ZNF875: variants seen among roughly 807,000 people sequenced by gnomAD.
ZNF875 encodes the protein HKR1, GLI-Kruppel zinc finger family member.
ZNF875 carries 14 observed loss-of-function variants against 11.2 expected under a neutral mutation model. The ratio of observed to expected loss-of-function variants is 1.26; its 90% CI spans 0.83 to 1.96. The LOEUF is 1.96. ZNF875 is among the 30% of genes most tolerant of loss of function. The probability of loss-of-function intolerance (pLI) is 0.00; values close to 1 mark genes in which losing one functional copy is unlikely to be tolerated. For missense variants in ZNF875, 752 were observed against 760.4 expected, an observed-to-expected ratio of 0.99 and a Z score of 0.13; for synonymous variants, 301 against 281.1, an observed-to-expected ratio of 1.07 and a Z score of -0.71.
chr19:37,342,612 A>G (rs1209423652), intron 2 of ZNF875, among the ~76,000 whole-genome samples: 2 of 151,964 alleles, frequency 1.3e-5, no homozygotes, highest in Non-Finnish European at 2.9e-5. Flanking sequence ...GGGTTTCTCC[A>G]TGTTGGTCAG....
chr19:37,358,940 G>A (rs1483417946), intron 4 of ZNF875, among the ~76,000 whole-genome samples: 1 of 151,622 alleles, frequency 6.6e-6, no homozygotes, highest in Non-Finnish European at 1.5e-5. Flanking sequence ...CACTGTTGTA[G>A]CCCATGCTGG....
In ZNF875 at chr19:37,339,678, C is replaced by T. The variant is rs561770073; in HGVS notation, c.33+4421C>T. ...CTCCCAGGTTCGAGCAATTCTCTTG[C>T]CTCAGCCTCTTGAGTAGCTGGGATT... On this transcript the variant is annotated intron_variant, in intron 2 of 4. Coordinates refer to ENST00000392153, the MANE Select transcript of ZNF875 (RefSeq NM_001353803.2). Among the ~76,000 whole-genome samples the T allele has an allele frequency of 1.8e-4, 27 of 150,916 alleles. No individual in the cohort carries two copies. In the South Asian group the frequency reaches 4.2e-3, roughly 23 times the overall value.
intron 4 of ZNF875, among the ~76,000 whole-genome samples, chr19:37,354,092 C>T (rs78814389): frequency 6.6e-6 from 1 of 151,546 alleles, no homozygotes; most frequent in Non-Finnish European, 1.5e-5. Flanking sequence ...TCTTTTTTCT[C>T]TTTTTTGAGG....
upstream of ZNF875, chr19:37,334,504 C>T: frequency 2.9e-6 from 1 of 339,144 alleles, no homozygotes; most frequent in Non-Finnish European, 5.9e-6. Flanking sequence ...TGGTTGTGTG[C>T]GCTGTGCAGA....
chr19:37,360,299 G>A (rs2039687228), intron 4 of ZNF875, among the ~76,000 whole-genome samples: 1 of 152,172 alleles, frequency 6.6e-6, no homozygotes, highest in African/African-American at 2.4e-5. Flanking sequence ...TCCTATGACA[G>A]TAGCACACTA....
intron 4 of ZNF875, among the ~76,000 whole-genome samples, chr19:37,356,365 A>G (rs1050568304): frequency 3.3e-5 from 5 of 152,182 alleles, no homozygotes; most frequent in African/African-American, 1.2e-4. Context: ...GGTTGAACTA[A>G]TTTACATGAC....
At chr19:37,345,642 T>C (rs995545661) in intron 2 of ZNF875, among the ~76,000 whole-genome samples, 1 of 152,184 alleles carries the variant, frequency 6.6e-6, no homozygotes, top group Non-Finnish European at 1.5e-5. Context: ...CCTACAGCAG[T>C]GCAAAGCCCA....
chr19:37,359,477 C>A (rs1172171247), intron 4 of ZNF875: 7 of 291,902 alleles, frequency 2.4e-5, no homozygotes, highest in Non-Finnish European at 3.5e-5. Flanking sequence ...TATATCGGCT[C>A]ACTGCAACCT....
intron 3 of ZNF875, chr19:37,347,530 C>G: frequency 1.6e-6 from 1 of 614,626 alleles, no homozygotes; most frequent in Non-Finnish European, 2.8e-6. Flanking sequence ...AGGCCTGTTT[C>G]CCAAGGCTTG....
At chr19:37,357,187 A>G (rs1364119851) in intron 4 of ZNF875, among the ~76,000 whole-genome samples, 1 of 152,058 alleles carries the variant, frequency 6.6e-6, no homozygotes, top group Admixed American at 6.6e-5. Context: ...CTATATGTCT[A>G]TTTTTGTACT....
At position 37,363,458 on chromosome 19, in the gene ZNF875, T is replaced by C. The variant is rs1271338881; in HGVS notation, c.1606T>C (p.Cys536Arg). 6.2e-7 allele frequency: 1 copy of C among 1,613,862 alleles called. No individual in the cohort carries two copies. The highest frequency in any genetic ancestry group is 1.3e-5 in the African/African-American group (1 of 74,874). Residue 536 changes from cysteine (C) to arginine (R), a missense_variant, in exon 5 of 5, where the codon TGC (cysteine) becomes CGC (arginine). Transcript: ENST00000392153. Reference sequence around the variant, plus strand: ...ACATTCAGGGGAAAAGCCTTTTATGTGCAGGGAGTGTGGCAGAAGGTTTCG... The same window carrying C: ...ACATTCAGGGGAAAAGCCTTTTATGCGCAGGGAGTGTGGCAGAAGGTTTCG... ...RTHSGEKPFM[C>R]RECGRRFRQK... is the part of the protein sequence containing the mutation.
intron 2 of ZNF875, among the ~76,000 whole-genome samples, chr19:37,339,911 C>A (rs1462090342): frequency 6.6e-6 from 1 of 152,006 alleles, no homozygotes. Context: ...TTACTTCTTT[C>A]TTTTCTGAGA....
chr19:37,313,215 AAACAAC>A (rs34323048), upstream of ZNF875: 709 of 149,422 alleles, frequency 4.7e-3, 2 homozygotes, highest in South Asian at 0.018. Context: ...GCCCCCCGCG[AAACAAC>A]AACAACAACA....
At chr19:37,343,001 T>C (rs555195338) in intron 2 of ZNF875, among the ~76,000 whole-genome samples, 1 of 152,168 alleles carries the variant, frequency 6.6e-6, no homozygotes, top group Non-Finnish European at 1.5e-5. Flanking sequence ...TATTTTGTTA[T>C]GGCAGCACTT....
chr19:37,354,967 T>C (rs1003385391), intron 4 of ZNF875, among the ~76,000 whole-genome samples: 1 of 152,294 alleles, frequency 6.6e-6, no homozygotes, highest in East Asian at 1.9e-4. Context: ...TCTCAGGTAT[T>C]CTGTTATAGC....
At position 37,347,317 on chromosome 19, in the gene ZNF875, G is replaced by T; in HGVS notation, c.160+1G>T. ...ACTTATAACCATCTGGTCTCACTGG[G>T]TAAGAATGGCCTCCCTTGGCACTTA... On this transcript the variant is annotated splice_donor_variant, in intron 3 of 4. Coordinates refer to ENST00000392153, the MANE Select transcript of ZNF875 (RefSeq NM_001353803.2). LOFTEE classifies it high-confidence loss of function. 1.9e-6 allele frequency: 3 copies of T among 1,611,216 alleles called. No individual in the cohort carries two copies. Among genetic ancestry groups the T allele is most frequent in the Non-Finnish European group, 2.5e-6 (3 of 1,178,184 alleles).
intron 2 of ZNF875, 148 bp downstream of exon 2, chr19:37,335,405 T>C (rs1014519633): frequency 3.6e-6 from 2 of 552,350 alleles, no homozygotes; most frequent in South Asian, 2.2e-5. Flanking sequence ...GATTTTGATA[T>C]AGTCTTGTAG....
chr19:37,362,119 A>G lies in ZNF875; in HGVS notation c.267A>G (p.Pro89=). 1.2e-6 allele frequency: 2 copies of G among 1,610,486 alleles called. No individual in the cohort carries two copies. Among genetic ancestry groups the G allele is most frequent in the Non-Finnish European group, 1.7e-6 (2 of 1,178,130 alleles). Residue 89 remains proline (P), a synonymous_variant, in exon 5 of 5, where the codon CCA becomes CCG. Coordinates refer to ENST00000392153, the MANE Select transcript of ZNF875 (RefSeq NM_001353803.2). Reference sequence around the variant, plus strand: ...TTCTTTCTTCAGCAGAATCGAAGCCAGAAATTCAACTTAGTCCCTCCTGCC... The same window carrying G: ...TTCTTTCTTCAGCAGAATCGAAGCCGGAAATTCAACTTAGTCCCTCCTGCC... The part of the protein sequence containing the change: ...CPLDLCPESK[P]EIQLSPSCPL...
chr19:37,351,305 A>G (rs1449148532), intron 4 of ZNF875, among the ~76,000 whole-genome samples: 4 of 152,084 alleles, frequency 2.6e-5, no homozygotes, highest in Non-Finnish European at 5.9e-5. Flanking sequence ...TTCATTCCCC[A>G]TATTGTGATT....
Sources: gnomAD v4.1 joint callset for allele counts (sites outside exome capture counted in the v4.1 genomes callset) on GRCh38, gnomAD v4.1.1 for gene constraint, MANE v1.5 for transcripts, NCBI Gene and HGNC (gene_info 2026-07-23, HGNC 2026-07-21) for gene names.